PLXNA4: variants seen among roughly 807,000 people sequenced by gnomAD.
The protein encoded by PLXNA4 is plexin-A4.
A neutral mutation model predicts 191.8 loss-of-function variants in PLXNA4; 44 were observed. That is an observed-to-expected ratio of 0.23 (90% CI 0.18 to 0.29). PLXNA4 has a LOEUF of 0.29. Ranked by LOEUF, PLXNA4 falls within the 10% of genes least tolerant of loss-of-function variation. The pLI is 1.00. For synonymous variants in PLXNA4, 1,082 were observed against 1,009.5 expected (o/e 1.07, Z -1.36); for missense variants, 1,800 against 2,488.8 (o/e 0.72, Z 5.89).
rs545176501 is a variant in PLXNA4 at position 132,455,916 on chromosome 7, G to A, written c.1371+33376C>T. ...GGCCTGGGAGGAAGATGTGGGGCAT[G>A]CAAAGTTGTCAGGAGAATGCAGGTG... On this transcript the variant is annotated intron_variant, in intron 3 of 31. Coordinates refer to ENST00000321063, the MANE Select transcript of PLXNA4 (RefSeq NM_020911.2). Among the ~76,000 whole-genome samples, 6 of 152,290 alleles carry A rather than the reference G, an allele frequency of 3.9e-5. No individual in the cohort carries two copies. The South Asian group carries it at 8.3e-4, about 21-fold the overall frequency.
At chr7:132,587,544 T>C (rs1016249588) in intron 2 of PLXNA4, among the ~76,000 whole-genome samples, 1 of 152,216 alleles carries the variant, frequency 6.6e-6, no homozygotes, top group Non-Finnish European at 1.5e-5. Context: ...CGTTTGTTGT[T>C]CTGTATTTAT....
intron 3 of PLXNA4, among the ~76,000 whole-genome samples, chr7:132,409,812 G>A (rs1053104880): frequency 3.3e-5 from 5 of 152,152 alleles, no homozygotes; most frequent in South Asian, 2.1e-4. Flanking sequence ...CGTCACCTGC[G>A]GATACCTCCC....
At chr7:132,641,923 A>G (rs576881527) in intron 2 of PLXNA4, among the ~76,000 whole-genome samples, 1 of 152,310 alleles carries the variant, frequency 6.6e-6, no homozygotes, top group African/African-American at 2.4e-5. Context: ...TAGCATTTAA[A>G]AGTGAGACAC....
chr7:132,594,153 G>A (rs1327312001), intron 2 of PLXNA4, among the ~76,000 whole-genome samples: 1 of 152,232 alleles, frequency 6.6e-6, no homozygotes, highest in Admixed American at 6.5e-5. Flanking sequence ...TAGGGACATT[G>A]TAGATGTAAT....
intron 3 of PLXNA4, among the ~76,000 whole-genome samples, chr7:132,365,364 T>TGCACGC (rs1554424584): frequency 1.1e-4 from 16 of 147,320 alleles, no homozygotes; most frequent in African/African-American, 4.1e-4. Flanking sequence ...TGTGTGTGCG[T>TGCACGC]GCGCGCGCAT....
chr7:132,394,730 C>A (rs1793676326), intron 3 of PLXNA4, among the ~76,000 whole-genome samples: 1 of 152,222 alleles, frequency 6.6e-6, no homozygotes, highest in Non-Finnish European at 1.5e-5. Flanking sequence ...TCATGAGAAT[C>A]TATGAAGAAC....
At chr7:132,238,772 AG>A (rs1160468194) in intron 5 of PLXNA4, among the ~76,000 whole-genome samples, 5 of 152,152 alleles carry the variant, frequency 3.3e-5, no homozygotes. Context: ...CAGTTACAGT[AG>A]AGCCATCTGG....
chr7:132,163,433 A>G (rs1481339792), intron 24 of PLXNA4, among the ~76,000 whole-genome samples: 1 of 152,144 alleles, frequency 6.6e-6, no homozygotes, highest in African/African-American at 2.4e-5. Context: ...TCATTTTTTC[A>G]GATAAAGAGA....
At chr7:132,189,901 C>T (rs1320767809) in intron 14 of PLXNA4, among the ~76,000 whole-genome samples, 1 of 133,142 alleles carries the variant, frequency 7.5e-6, no homozygotes, top group Non-Finnish European at 1.5e-5. Context: ...GACTGGTGTC[C>T]CTAGCACTAT....
At chr7:132,323,080 A>G (rs993727814) in intron 3 of PLXNA4, among the ~76,000 whole-genome samples, 3 of 152,206 alleles carry the variant, frequency 2.0e-5, no homozygotes, top group Admixed American at 6.5e-5. Context: ...ACAGAGGGAA[A>G]AGATCCGTTG....
chr7:132,414,514 G>T (rs1218278972), intron 3 of PLXNA4, among the ~76,000 whole-genome samples: 1 of 152,128 alleles, frequency 6.6e-6, no homozygotes, highest in Admixed American at 6.5e-5. Context: ...GACCGAGATG[G>T]TAGGGAGGGG....
chr7:132,543,728 G>T (rs1422697865), intron 1 of PLXNA4, among the ~76,000 whole-genome samples: 1 of 152,232 alleles, frequency 6.6e-6, no homozygotes, highest in Admixed American at 6.5e-5. Flanking sequence ...TTTAATAAGC[G>T]ATGGGGAGCC....
chr7:132,171,121 T>C (rs1796273626), intron 21 of PLXNA4, among the ~76,000 whole-genome samples: 1 of 152,216 alleles, frequency 6.6e-6, no homozygotes, highest in Admixed American at 6.5e-5. Flanking sequence ...ATCACATACA[T>C]GCCGCTGTCC....
Position 132,312,194 on chromosome 7 carries a change from C to T in PLXNA4, c.1372-13972G>A, listed in dbSNP as rs111494385. Among the ~76,000 whole-genome samples, 1,261 of 144,764 alleles carry T rather than the reference C, an allele frequency of 8.7e-3. 10 individuals carry two copies. Among genetic ancestry groups the T allele is most frequent in the Admixed American group, 0.016 (244 of 14,880 alleles). 95.0% of individuals were successfully genotyped at this position (144,764 alleles called of 152,430 possible). A position where few individuals can be genotyped will look rare whatever the true frequency, so the allele number is the denominator to read the frequency against. On this transcript the variant is annotated intron_variant, in intron 3 of 31. Transcript: ENST00000321063. ...ATAATAAGTGCCTGTATGGGTTACT[C>T]CTTCTGCCAGAAGCCTGTGGAGTTA...
chr7:132,200,286 G>A (rs1797388931), intron 12 of PLXNA4, among the ~76,000 whole-genome samples: 1 of 152,172 alleles, frequency 6.6e-6, no homozygotes, highest in Non-Finnish European at 1.5e-5. Flanking sequence ...CAGACACACT[G>A]CCATGCGCAG....
chr7:132,239,373 C>G (rs2117031293), intron 5 of PLXNA4, among the ~76,000 whole-genome samples: 1 of 152,312 alleles, frequency 6.6e-6, no homozygotes, highest in South Asian at 2.1e-4. Context: ...GGGGCTGGGA[C>G]AGCATTGTGG....
intron 2 of PLXNA4, among the ~76,000 whole-genome samples, chr7:132,584,365 C>G (rs1425170624): frequency 6.6e-6 from 1 of 152,204 alleles, no homozygotes; most frequent in African/African-American, 2.4e-5. Flanking sequence ...CCAAGAGATG[C>G]TGACGTGACC....
chr7:132,305,148 T>C (rs1291679249), intron 3 of PLXNA4, among the ~76,000 whole-genome samples: 1 of 151,416 alleles, frequency 6.6e-6, no homozygotes, highest in Non-Finnish European at 1.5e-5. Flanking sequence ...TGGGAGAGAG[T>C]GGTGATAAGT....
At chr7:132,165,745 A>G (rs1000551600) in intron 22 of PLXNA4, among the ~76,000 whole-genome samples, 1 of 149,894 alleles carries the variant, frequency 6.7e-6, no homozygotes, top group Admixed American at 6.6e-5. Flanking sequence ...AATCCTGGGG[A>G]GGTACCAATT....
Sources: allele counts gnomAD v4.1 joint callset (sites outside exome capture counted in the v4.1 genomes callset), GRCh38; gene constraint gnomAD v4.1.1; transcripts MANE v1.5; gene names NCBI Gene and HGNC (gene_info 2026-07-23, HGNC 2026-07-21).